Variants in TMX3 observed in about 807,000 individuals in gnomAD.
TMX3 encodes thioredoxin related transmembrane protein 3, also known as protein disulfide-isomerase TMX3.
TMX3 carries 40 observed loss-of-function variants against 64.4 expected under a neutral mutation model. The observed-to-expected ratio is 0.62, with a 90% CI of 0.48 to 0.81. The LOEUF (loss-of-function observed/expected upper bound fraction) is 0.81. TMX3 is among the 30% of genes least tolerant of loss of function. TMX3 has a pLI of 0.00. For missense variants in TMX3, 497 were observed against 534.5 expected (o/e 0.93, Z 0.69); for synonymous variants, 189 against 175.7 (o/e 1.08, Z -0.60).
chr18:68,679,472 A>G lies in TMX3; in HGVS notation c.1095T>C (p.Ser365=). 1 of 1,611,992 alleles carries G rather than the reference A, an allele frequency of 6.2e-7. No individual in the cohort carries two copies. The highest frequency in any genetic ancestry group is 8.5e-7 in the Non-Finnish European group (1 of 1,178,918). ...AACTGTCACAACTTACCACAATAGTAGATTTGGCATCAAATACTATTCTTT... is the reference window on the plus strand; with the variant it reads ...AACTGTCACAACTTACCACAATAGTGGATTTGGCATCAAATACTATTCTTT... ...RLKRIVFDAK[S]TIVSIFKSSP... is the part of the protein sequence containing the mutation. Residue 365 remains serine (S), a synonymous_variant, in exon 15 of 16, where the codon TCT becomes TCC. Transcript: ENST00000299608.
chr18:68,704,391 G>A lies in TMX3; in HGVS notation c.266-2601C>T, dbSNP rs1356895690. 4.0e-5 allele frequency among the ~76,000 whole-genome samples: 6 copies of A among 151,498 alleles called. No individual in the cohort carries two copies. In the South Asian group the frequency reaches 8.4e-4, roughly 21 times the overall value. On this transcript the variant is annotated intron_variant, in intron 4 of 15. Transcript: ENST00000299608. ...TAGGAAGATTCGGTAACTCGTTTGA[G>A]AGCAAACAATTTTGTAAGGAAGAAA...
chr18:68,676,954 T>C lies in TMX3; in HGVS notation c.1344A>G (p.Val448=). Residue 448 remains valine (V), a synonymous_variant, in exon 16 of 16, where the codon GTA becomes GTG. Transcript: ENST00000299608. ...VVPTVQEPKD[V]LEKKKD is the part of the protein sequence containing the mutation. ...AGTCTCAATCTTTCTTCTTTTCTAATACATCCTTGGGCTCCTGCACTGTAG... is the reference window on the plus strand; with the variant it reads ...AGTCTCAATCTTTCTTCTTTTCTAACACATCCTTGGGCTCCTGCACTGTAG... The C allele has an allele frequency of 3.1e-6, 5 of 1,612,816 alleles. No homozygotes were observed. Among genetic ancestry groups the C allele is most frequent in the Non-Finnish European group, 4.2e-6 (5 of 1,179,594 alleles).
At chr18:68,683,425 T>C (rs1318260628) in intron 12 of TMX3, among the ~76,000 whole-genome samples, 3 of 152,146 alleles carry the variant, frequency 2.0e-5, no homozygotes, top group African/African-American at 2.4e-5. Flanking sequence ...TATATTTATA[T>C]TGACTGTCTT....
rs1912754383 is a variant in TMX3, at chr18:68,674,293, A to G, written c.*2640T>C. On this transcript the variant is annotated 3_prime_UTR_variant, in exon 16 of 16. Transcript: ENST00000299608. The stretch of plus-strand genomic sequence containing the variant: ...GAAAAATATTGATGCACATAATGAA[A>G]CAAAAAGAATTGCCAGATATAATGT... 1 of 152,176 alleles carries G rather than the reference A, an allele frequency of 6.6e-6. No individual in the cohort carries two copies. Among genetic ancestry groups the G allele is most frequent in the African/African-American group, 2.4e-5 (1 of 41,458 alleles). The allele number at this position is 152,176 out of a possible 1,614,324, so 9.4% of individuals were successfully genotyped here. A position where few individuals can be genotyped will look rare whatever the true frequency, so the allele number is the denominator to read the frequency against.
rs1912851767 is a variant in TMX3 at position 68,675,492 on chromosome 18, G to C, written c.*1441C>G. ...TACAGTCTTGATTAGTACGGCATTAGAAACAACAGAGGGCTGTCCTTGATG... is the reference window on the plus strand; with the variant it reads ...TACAGTCTTGATTAGTACGGCATTACAAACAACAGAGGGCTGTCCTTGATG... On this transcript the variant is annotated 3_prime_UTR_variant, in exon 16 of 16. Coordinates refer to ENST00000299608, the MANE Select transcript of TMX3 (RefSeq NM_019022.5). 6.6e-6 allele frequency: 1 copy of C among 152,112 alleles called. No homozygotes were observed. Among genetic ancestry groups the C allele is most frequent in the African/African-American group, 2.4e-5 (1 of 41,432 alleles). The allele number at this position is 152,112 out of a possible 1,614,324, so 9.4% of individuals were successfully genotyped here.
intron 4 of TMX3, among the ~76,000 whole-genome samples, chr18:68,708,073 A>G (rs898714328): frequency 8.0e-5 from 12 of 150,640 alleles, no homozygotes; most frequent in Non-Finnish European, 1.6e-4. Flanking sequence ...ATATGTGTAT[A>G]TGTGTATATA....
rs753031271 is a variant in TMX3, at chr18:68,711,356, A to G, written c.141+8T>C. The G allele has an allele frequency of 1.3e-6, 2 of 1,578,994 alleles. No homozygotes were observed. Among genetic ancestry groups the G allele is most frequent in the African/African-American group, 1.4e-5 (1 of 73,484 alleles). On this transcript the variant is annotated splice_region_variant and intron_variant, in intron 3 of 15. Coordinates refer to ENST00000299608, the MANE Select transcript of TMX3 (RefSeq NM_019022.5). ...TGGGTAATTAGCATATAAAATTTAC[A>G]TACTTACATCTACAAGCCAAATGTC...
intron 10 of TMX3, chr18:68,687,253 CA>C: frequency 3.0e-6 from 3 of 985,040 alleles, no homozygotes; most frequent in Non-Finnish European, 2.4e-6. Flanking sequence ...TCATTTCCAA[CA>C]GCGTAACTTG....
At chr18:68,692,232 T>A (rs1231995115) in intron 8 of TMX3, among the ~76,000 whole-genome samples, 1 of 152,186 alleles carries the variant, frequency 6.6e-6, no homozygotes, top group Non-Finnish European at 1.5e-5. Context: ...TGGCAACTCA[T>A]CCACACAGAT....
intron 8 of TMX3, among the ~76,000 whole-genome samples, chr18:68,692,470 T>C (rs1371596579): frequency 1.3e-5 from 2 of 152,186 alleles, no homozygotes; most frequent in African/African-American, 4.8e-5. Flanking sequence ...AAGTCAGAAA[T>C]TGTCTGAATT....
At chr18:68,682,165 G>A (rs309213) in intron 13 of TMX3, among the ~76,000 whole-genome samples, 20,230 of 152,110 alleles carry the variant, frequency 0.13, 4,037 homozygotes, top group African/African-American at 0.43. Flanking sequence ...CCAGTGGACT[G>A]TAAGCATTTA....
In TMX3 at chr18:68,676,987, A is replaced by G. The variant is rs1245846663; in HGVS notation, c.1311T>C (p.Ser437=). ...KEQQEPSSGG[S]VVPTVQEPKD... The stretch of plus-strand genomic sequence containing the variant: ...TGGGCTCCTGCACTGTAGGCACTAC[A>G]GATCCTCCACTGCTGGGCTCCTGCT... The change falls in exon 16 of 16, where the codon TCT becomes TCC. Residue 437 remains serine, a synonymous_variant. Coordinates refer to ENST00000299608, the MANE Select transcript of TMX3 (RefSeq NM_019022.5). 6.2e-7 allele frequency: 1 copy of G among 1,613,798 alleles called. No homozygotes were observed. The highest frequency in any genetic ancestry group is 1.7e-4 in the Middle Eastern group (1 of 6,058).
At position 68,700,450 on chromosome 18, in the gene TMX3, G is replaced by A; in HGVS notation, c.347C>T (p.Pro116Leu). 6.4e-7 allele frequency: 1 copy of A among 1,574,746 alleles called. No individual in the cohort carries two copies. Residue 116 changes from proline to leucine, a missense_variant, in exon 6 of 16, where the codon CCA becomes CTA. Pro to Leu is a moderately conservative substitution (Grantham distance 98, BLOSUM62 -3). This residue lies in a region of TMX3 where 360 missense variants were observed against 383.5 expected (regional missense o/e 0.94). Transcript: ENST00000299608. The stretch of plus-strand genomic sequence containing the variant: ...CTCAATAATATCATCTTTTGTTCGT[G>A]GTCCTCTATAATTATATGCCAAGTC... ...KGDLAYNYRG[P>L]RTKDDIIEFA...
At chr18:68,689,430 CTG>C (rs1461593049) in intron 9 of TMX3, among the ~76,000 whole-genome samples, 1 of 150,866 alleles carries the variant, frequency 6.6e-6, no homozygotes, top group Non-Finnish European at 1.5e-5. Context: ...AAGTGCCTCT[CTG>C]AATTGCTAAG....
chr18:68,679,419 C>T (rs1913214105), intron 15 of TMX3, 44 bp downstream of exon 15: 1 of 1,482,440 alleles, frequency 6.7e-7, no homozygotes, highest in Non-Finnish European at 9.3e-7. Context: ...CATAAAGAAC[C>T]TATATCTTCT....
chr18:68,677,328 T>C lies in TMX3; in HGVS notation c.1105-135A>G, dbSNP rs1032314090. 9.9e-6 allele frequency: 9 copies of C among 905,420 alleles called. No individual in the cohort carries two copies. The Admixed American group carries it at 1.7e-4, about 17-fold the overall frequency. The allele number at this position is 905,420 out of a possible 1,614,324, so 56.1% of individuals were successfully genotyped here. ...TTTTAGTTCCAATGAATCAATCATT[T>C]CAGCAGTAACTACCATGTGAAAGAC... On this transcript the variant is annotated intron_variant, in intron 15 of 15. Transcript: ENST00000299608.
intron 7 of TMX3, 123 bp from the exon 8 acceptor site, chr18:68,697,426 T>A: frequency 2.1e-6 from 1 of 468,552 alleles, no homozygotes; most frequent in Admixed American, 4.0e-5. Flanking sequence ...CTACCTTACA[T>A]CCTCTTAGGT....
chr18:68,692,277 C>G (rs989131895), intron 8 of TMX3, among the ~76,000 whole-genome samples: 1 of 152,174 alleles, frequency 6.6e-6, no homozygotes, highest in African/African-American at 2.4e-5. Context: ...CAGCACCTCC[C>G]TCTTTCATCA....
Position 68,677,003 on chromosome 18 carries a change from G to C in TMX3, c.1295C>G (p.Pro432Arg), listed in dbSNP as rs1362101013. ...QIEESKEQQE[P>R]SSGGSVVPTV... ...AGGCACTACAGATCCTCCACTGCTG[G>C]GCTCCTGCTGTTCTTTGCTCTCTTC... Residue 432 changes from proline to arginine, a missense_variant, in exon 16 of 16, where the codon CCC becomes CGC. By Grantham distance (103) the Pro-to-Arg change is moderately radical (BLOSUM62 -2). Around this residue, in one of 3 missense-constraint regions of TMX3, gnomAD observed 94 missense variants for 75.8 expected, o/e 1.24. Coordinates refer to ENST00000299608, the MANE Select transcript of TMX3 (RefSeq NM_019022.5). The C allele has an allele frequency of 3.1e-6, 5 of 1,613,498 alleles. No individual in the cohort carries two copies. In the Admixed American group the frequency reaches 6.7e-5, roughly 22 times the overall value.
Sources: allele counts gnomAD v4.1 joint callset (sites outside exome capture counted in the v4.1 genomes callset), GRCh38; gene constraint gnomAD v4.1.1; regional missense constraint gnomAD v4.1.1; transcripts MANE v1.5; gene names NCBI Gene and HGNC (gene_info 2026-07-23, HGNC 2026-07-21).